The following POLR3B variants were observed in gnomAD, a reference collection of about 807,000 sequenced individuals.
POLR3B encodes the protein RNA polymerase III subunit B, also known as DNA-directed RNA polymerase III subunit RPC2.
Under a neutral mutation model 147.4 loss-of-function variants are expected in POLR3B, and 96 were observed. The ratio of observed to expected loss-of-function variants is 0.65; its 90% CI spans 0.55 to 0.77. The LOEUF is 0.77. Ranked by LOEUF, POLR3B falls within the 30% of genes least tolerant of loss-of-function variation. The probability of loss-of-function intolerance (pLI) is 0.00; values close to 1 mark genes in which losing one functional copy is unlikely to be tolerated. For missense variants in POLR3B, 1,036 were observed against 1,413.5 expected, an observed-to-expected ratio of 0.73 and a Z score of 4.28; for synonymous variants, 461 against 485.9, an observed-to-expected ratio of 0.95 and a Z score of 0.67.
intron 9 of POLR3B, among the ~76,000 whole-genome samples, chr12:106,389,328 G>T (rs564915798): frequency 6.6e-6 from 1 of 152,304 alleles, no homozygotes; most frequent in South Asian, 2.1e-4. Flanking sequence ...AGCTTTGGCA[G>T]TAATCATGCT....
intron 19 of POLR3B, among the ~76,000 whole-genome samples, chr12:106,449,847 TAG>T (rs1225202645): frequency 1.3e-5 from 2 of 152,258 alleles, no homozygotes; most frequent in Middle Eastern, 3.4e-3. Flanking sequence ...GCCGGCTTAG[TAG>T]GGAATATAGT....
intron 25 of POLR3B, chr12:106,500,067 T>C (rs899152990): frequency 4.4e-6 from 2 of 455,900 alleles, no homozygotes; most frequent in Non-Finnish European, 8.8e-6. Context: ...TCACCAGTTC[T>C]TATCTGACCT....
intron 9 of POLR3B, chr12:106,382,003 A>C (rs533349594): frequency 6.6e-6 from 1 of 152,304 alleles, no homozygotes; most frequent in South Asian, 2.1e-4. Flanking sequence ...GAGTGTGAGG[A>C]TGACCAGAGG....
intron 19 of POLR3B, among the ~76,000 whole-genome samples, chr12:106,451,637 G>A (rs550637704): frequency 2.2e-5 from 3 of 137,330 alleles, no homozygotes; most frequent in African/African-American, 5.6e-5. Flanking sequence ...AAAAGGCGGG[G>A]GGGGAGGAGA....
intron 9 of POLR3B, 61 bp downstream of exon 9, chr12:106,380,200 G>A (rs1027704719): frequency 1.1e-6 from 1 of 939,716 alleles, no homozygotes; most frequent in Non-Finnish European, 1.7e-6. Flanking sequence ...ATTTACATAT[G>A]TAATTAGAGA....
At chr12:106,377,653 A>G (rs1376779391) in intron 7 of POLR3B, among the ~76,000 whole-genome samples, 1 of 152,238 alleles carries the variant, frequency 6.6e-6, no homozygotes, top group Admixed American at 6.5e-5. Flanking sequence ...AGCTCTGACA[A>G]CTAATTTATT....
intron 9 of POLR3B, among the ~76,000 whole-genome samples, chr12:106,382,514 T>A (rs1415008236): frequency 6.6e-6 from 1 of 152,234 alleles, no homozygotes; most frequent in Non-Finnish European, 1.5e-5. Flanking sequence ...TTGAAATTAC[T>A]TCTTTATTCA....
intron 10 of POLR3B, among the ~76,000 whole-genome samples, chr12:106,400,469 G>C (rs1254224485): frequency 3.9e-5 from 6 of 152,194 alleles, no homozygotes; most frequent in Admixed American, 3.9e-4. Context: ...TCTGCACCAA[G>C]TGGACCTAAT....
At chr12:106,418,430 G>T (rs1415394513) in intron 12 of POLR3B, among the ~76,000 whole-genome samples, 1 of 152,154 alleles carries the variant, frequency 6.6e-6, no homozygotes, top group East Asian at 1.9e-4. Flanking sequence ...AATTAAGGCT[G>T]CCTAATGTCT....
intron 21 of POLR3B, among the ~76,000 whole-genome samples, chr12:106,458,144 C>T (rs1447006111): frequency 6.6e-6 from 1 of 152,092 alleles, no homozygotes; most frequent in African/African-American, 2.4e-5. Context: ...ATTTTTGAGA[C>T]AGGGTCTCAG....
Position 106,357,785 on chromosome 12 carries a change from C to T in POLR3B, c.-95C>T, listed in dbSNP as rs17219334. The T allele has an allele frequency of 0.023, 28,757 of 1,274,306 alleles. 495 individuals carry two copies. Among genetic ancestry groups the T allele is most frequent in the Middle Eastern group, 0.034 (143 of 4,240 alleles). 78.9% of individuals were successfully genotyped at this position (1,274,306 alleles called of 1,614,324 possible). A position where few individuals can be genotyped will look rare whatever the true frequency, so the allele number is the denominator to read the frequency against. ...CACGCACGGCGGGGACAGTTTAGGCCTCCGCGCACCGTTCGCCGGGAGTCT... is the reference window on the plus strand; with the variant it reads ...CACGCACGGCGGGGACAGTTTAGGCTTCCGCGCACCGTTCGCCGGGAGTCT... On this transcript the variant is annotated 5_prime_UTR_variant, in exon 1 of 28. Transcript: ENST00000228347.
At chr12:106,449,923 CA>C (rs2037775471) in intron 19 of POLR3B, among the ~76,000 whole-genome samples, 1 of 152,016 alleles carries the variant, frequency 6.6e-6, no homozygotes, top group African/African-American at 2.4e-5. Context: ...ATTAAGGAAT[CA>C]GGGGTAGATT....
intron 14 of POLR3B, among the ~76,000 whole-genome samples, chr12:106,430,675 G>A (rs2037498463): frequency 6.6e-6 from 1 of 152,174 alleles, no homozygotes; most frequent in South Asian, 2.1e-4. Context: ...AGAAGCATTT[G>A]ATTCAGTATG....
intron 16 of POLR3B, among the ~76,000 whole-genome samples, chr12:106,435,392 A>G (rs888281382): frequency 1.3e-5 from 2 of 151,962 alleles, no homozygotes; most frequent in Admixed American, 6.6e-5. Flanking sequence ...TGATCCACCC[A>G]CCTCAGCCTC....
chr12:106,379,012 G>A (rs1442116150), intron 8 of POLR3B, among the ~76,000 whole-genome samples: 2 of 152,156 alleles, frequency 1.3e-5, no homozygotes, highest in East Asian at 1.9e-4. Flanking sequence ...AACCTACAAC[G>A]AACTGATTAA....
intron 13 of POLR3B, among the ~76,000 whole-genome samples, chr12:106,429,127 T>C (rs2037475052): frequency 6.6e-6 from 1 of 152,192 alleles, no homozygotes; most frequent in African/African-American, 2.4e-5. Flanking sequence ...TTTTTCTCTT[T>C]AGAATTGTGA....
chr12:106,466,577 G>A (rs1003367789), intron 23 of POLR3B, among the ~76,000 whole-genome samples: 3 of 152,104 alleles, frequency 2.0e-5, no homozygotes, highest in African/African-American at 7.2e-5. Flanking sequence ...GGATTTTTAT[G>A]ATCCTAGGTC....
chr12:106,507,172 G>C (rs1320388499), intron 27 of POLR3B, among the ~76,000 whole-genome samples: 2 of 152,092 alleles, frequency 1.3e-5, no homozygotes, highest in Non-Finnish European at 2.9e-5. Flanking sequence ...TGTTTCACTG[G>C]ACAGTCATTT....
At chr12:106,433,184 A>G (rs1256556158) in intron 15 of POLR3B, among the ~76,000 whole-genome samples, 1 of 152,208 alleles carries the variant, frequency 6.6e-6, no homozygotes, top group Admixed American at 6.5e-5. Context: ...CTGACTGCCT[A>G]GTTCATTGTA....
Sources: gnomAD v4.1 joint callset for allele counts (sites outside exome capture counted in the v4.1 genomes callset) on GRCh38, gnomAD v4.1.1 for gene constraint, MANE v1.5 for transcripts, NCBI Gene and HGNC (gene_info 2026-07-23, HGNC 2026-07-21) for gene names.